Variants in AGMO observed in about 807,000 individuals in gnomAD.
AGMO encodes glyceryl-ether monooxygenase.
Under a neutral mutation model 60.2 loss-of-function variants are expected in AGMO, and 75 were observed. The observed-to-expected ratio is 1.25, with a 90% CI of 1.03 to 1.51. The LOEUF (loss-of-function observed/expected upper bound fraction) is 1.51, where lower values mean the gene tolerates loss of function less well. Ranked by LOEUF, AGMO falls within the 40% of genes most tolerant of loss-of-function variation. The pLI is 0.00. For missense variants in AGMO, 763 were observed against 525.5 expected (o/e 1.45, Z -4.42); for synonymous variants, 261 against 177.1 (o/e 1.47, Z -3.76).
At chr7:15,243,373 G>A (rs1413568936) in intron 12 of AGMO, among the ~76,000 whole-genome samples, 1 of 151,944 alleles carries the variant, frequency 6.6e-6, no homozygotes, top group Non-Finnish European at 1.5e-5. Context: ...TGGTTACTTA[G>A]AAACCTTATG....
At chr7:15,389,788 A>G (rs1052948838) in intron 8 of AGMO, among the ~76,000 whole-genome samples, 2 of 152,206 alleles carry the variant, frequency 1.3e-5, no homozygotes, top group Non-Finnish European at 2.9e-5. Flanking sequence ...AAGAGCCACT[A>G]CTTTATAAGG....
At chr7:15,501,229 A>G (rs1783378917) in intron 3 of AGMO, among the ~76,000 whole-genome samples, 1 of 151,942 alleles carries the variant, frequency 6.6e-6, no homozygotes, top group Non-Finnish European at 1.5e-5. Flanking sequence ...TCAGGACCTG[A>G]ATATATTTGT....
At chr7:15,326,068 A>G (rs962278394) in intron 12 of AGMO, among the ~76,000 whole-genome samples, 2 of 152,176 alleles carry the variant, frequency 1.3e-5, no homozygotes, top group African/African-American at 4.8e-5. Context: ...AAATTAAATA[A>G]TAGATACAGG....
At chr7:15,328,100 CTTTT>C (rs1274361530) in intron 12 of AGMO, among the ~76,000 whole-genome samples, 1 of 151,130 alleles carries the variant, frequency 6.6e-6, no homozygotes, top group Non-Finnish European at 1.5e-5. Flanking sequence ...TTCCTTCCTT[CTTTT>C]CTTTTTTATT....
intron 12 of AGMO, among the ~76,000 whole-genome samples, chr7:15,324,145 A>G (rs1277825515): frequency 1.3e-5 from 2 of 152,216 alleles, no homozygotes; most frequent in East Asian, 3.9e-4. Context: ...GTATTACTCC[A>G]GCGCAGCAAC....
At chr7:15,235,015 C>G (rs914195411) in intron 12 of AGMO, among the ~76,000 whole-genome samples, 1 of 152,040 alleles carries the variant, frequency 6.6e-6, no homozygotes, top group Admixed American at 6.6e-5. Context: ...ACTTGCAGTT[C>G]TCTGAGCATA....
At chr7:15,426,416 A>C (rs1021151819) in intron 4 of AGMO, among the ~76,000 whole-genome samples, 2 of 152,128 alleles carry the variant, frequency 1.3e-5, no homozygotes, top group Admixed American at 1.3e-4. Flanking sequence ...GATAAATGCA[A>C]GGGTTTTATG....
intron 3 of AGMO, among the ~76,000 whole-genome samples, chr7:15,449,097 T>G (rs1220739212): frequency 1.3e-5 from 2 of 152,138 alleles, no homozygotes; most frequent in African/African-American, 4.8e-5. Flanking sequence ...ATGCAAAGTT[T>G]GTTGTTTAGA....
At chr7:15,367,645 T>TAGCCAAAGTTTAG (rs1783038702) in intron 10 of AGMO, among the ~76,000 whole-genome samples, 1 of 152,056 alleles carries the variant, frequency 6.6e-6, no homozygotes, top group Non-Finnish European at 1.5e-5. Flanking sequence ...TGAGATTACA[T>TAGCCAAAGTTTAG]AGCCAAAGTT....
intron 6 of AGMO, among the ~76,000 whole-genome samples, chr7:15,393,684 G>T (rs1457719590): frequency 6.6e-6 from 1 of 152,304 alleles, no homozygotes; most frequent in Non-Finnish European, 1.5e-5. Context: ...GCAGGAAGGT[G>T]AAGTGTTGTT....
chr7:15,125,906 C>T, the AGMO span, among the ~76,000 whole-genome samples: 1 of 152,062 alleles, frequency 6.6e-6, no homozygotes, highest in South Asian at 2.1e-4. Flanking sequence ...ATTTAAAAAT[C>T]ATTGTAAGCG....
chr7:15,334,257 G>T (rs1781583572), intron 12 of AGMO, among the ~76,000 whole-genome samples: 1 of 149,714 alleles, frequency 6.7e-6, no homozygotes, highest in African/African-American at 2.4e-5. Context: ...AAATCTTTCT[G>T]AAGTTTTTAA....
rs1429637334 is a variant in AGMO, at chr7:15,322,630, A to T, written c.1263+42884T>A. Among the ~76,000 whole-genome samples, 29 of 72,276 alleles carry T rather than the reference A, an allele frequency of 4.0e-4. 4 individuals carry two copies. The highest frequency in any genetic ancestry group is 2.0e-3 in the African/African-American group (27 of 13,606). The allele number at this position is 72,276 out of a possible 152,430, so 47.4% of individuals were successfully genotyped here. ...TATATATAAATATATAAATATATATAAATATATATAAATATATAAATATAT... is the reference window on the plus strand; with the variant it reads ...TATATATAAATATATAAATATATATTAATATATATAAATATATAAATATAT... On this transcript the variant is annotated intron_variant, in intron 12 of 12. Coordinates refer to ENST00000342526, the MANE Select transcript of AGMO (RefSeq NM_001004320.2).
At chr7:15,491,896 T>C (rs1228358013) in intron 3 of AGMO, among the ~76,000 whole-genome samples, 2 of 152,180 alleles carry the variant, frequency 1.3e-5, no homozygotes, top group Non-Finnish European at 2.9e-5. Flanking sequence ...TCTATCACCT[T>C]TCAACTGGTT....
At chr7:15,462,041 G>C (rs954000768) in intron 3 of AGMO, among the ~76,000 whole-genome samples, 1 of 144,638 alleles carries the variant, frequency 6.9e-6, no homozygotes, top group African/African-American at 2.6e-5. Context: ...GTGGGACCCA[G>C]AAGAATCCTA....
At chr7:15,190,340 G>C in the AGMO span, among the ~76,000 whole-genome samples, 5 of 150,878 alleles carry the variant, frequency 3.3e-5, no homozygotes, top group Admixed American at 1.3e-4. Flanking sequence ...AGAATAAAAG[G>C]AAGGCCAAAG....
chr7:15,366,596 AATCT>A (rs1782991653), intron 10 of AGMO, among the ~76,000 whole-genome samples: 1 of 152,076 alleles, frequency 6.6e-6, no homozygotes, highest in African/African-American at 2.4e-5. Flanking sequence ...AGTATAACAA[AATCT>A]TTGTGGTTTC....
At chr7:15,533,495 C>G (rs1385973742) in intron 3 of AGMO, among the ~76,000 whole-genome samples, 1 of 152,070 alleles carries the variant, frequency 6.6e-6, no homozygotes, top group Admixed American at 6.6e-5. Flanking sequence ...ATCACTGCCT[C>G]CACTCAAATA....
At chr7:15,315,328 CTTTTTTTTTTTT>C (rs1178276622) in intron 12 of AGMO, among the ~76,000 whole-genome samples, 32 of 48,182 alleles carry the variant, frequency 6.6e-4, no homozygotes, top group Non-Finnish European at 8.2e-4. Context: ...TGGATATTTG[CTTTTTTTTTTTT>C]TTTTTTTTTT....
Sources: allele counts gnomAD v4.1 joint callset (sites outside exome capture counted in the v4.1 genomes callset), GRCh38; gene constraint gnomAD v4.1.1; transcripts MANE v1.5; gene names NCBI Gene and HGNC (gene_info 2026-07-23, HGNC 2026-07-21).